GFOD1: variants seen among roughly 807,000 people sequenced by gnomAD.
The protein encoded by GFOD1 is glucose-fructose oxidoreductase domain-containing protein 1.
In GFOD1, 9 loss-of-function variants were observed where a neutral mutation model predicts 25.4. The ratio of observed to expected loss-of-function variants is 0.35; its 90% CI spans 0.21 to 0.62. The LOEUF (loss-of-function observed/expected upper bound fraction) is 0.62, where lower values mean the gene tolerates loss of function less well. GFOD1 is among the 20% of genes least tolerant of loss of function. The pLI, the probability that GFOD1 is intolerant of heterozygous loss-of-function variation, is 0.72. For synonymous variants in GFOD1, 253 were observed against 245.6 expected (o/e 1.03, Z -0.28); for missense variants, 403 against 556.9 (o/e 0.72, Z 2.78).
intron 1 of GFOD1, among the ~76,000 whole-genome samples, chr6:13,477,283 C>T (rs1344461479): frequency 6.7e-6 from 1 of 149,894 alleles, no homozygotes; most frequent in African/African-American, 2.5e-5. Context: ...AAGGAATTGG[C>T]TCGCACAATT....
chr6:13,435,974 T>C (rs1757826503), intron 1 of GFOD1, among the ~76,000 whole-genome samples: 1 of 152,188 alleles, frequency 6.6e-6, no homozygotes. Context: ...GTAGAATATC[T>C]GGAAGGATTT....
At chr6:13,477,228 T>TGTGTGTGC (rs761205114) in intron 1 of GFOD1, among the ~76,000 whole-genome samples, 1,833 of 148,716 alleles carry the variant, frequency 0.012, 22 homozygotes, top group Middle Eastern at 0.032. Flanking sequence ...TGTGTGTGTG[T>TGTGTGTGC]GTGTGTGTGT....
chr6:13,393,094 G>A, intron 1 of GFOD1, among the ~76,000 whole-genome samples: 1 of 151,866 alleles, frequency 6.6e-6, no homozygotes, highest in East Asian at 1.9e-4. Flanking sequence ...GGTGGCTCAT[G>A]TCTGTAATCC....
In GFOD1 at chr6:13,483,797, G is replaced by A. The variant is rs140134513; in HGVS notation, c.253+2841C>T. On this transcript the variant is annotated intron_variant, in intron 1 of 1. Transcript: ENST00000379287. ...ATGACTCCGGGGGAGGTAGAGTGCTGGGTTCAAATCTCTAGCTGTAGGTCT... is the reference window on the plus strand; with the variant it reads ...ATGACTCCGGGGGAGGTAGAGTGCTAGGTTCAAATCTCTAGCTGTAGGTCT... 2.6e-5 allele frequency among the ~76,000 whole-genome samples: 4 copies of A among 152,268 alleles called. No individual in the cohort carries two copies. In the East Asian group the frequency reaches 7.7e-4, roughly 29 times the overall value.
chr6:13,454,552 A>C (rs1562224033), intron 1 of GFOD1, among the ~76,000 whole-genome samples: 1 of 152,212 alleles, frequency 6.6e-6, no homozygotes, highest in African/African-American at 2.4e-5. Flanking sequence ...TCTTAAAAAA[A>C]GAAAAAAGGA....
intron 1 of GFOD1, among the ~76,000 whole-genome samples, chr6:13,417,729 C>T (rs1229679800): frequency 1.3e-5 from 2 of 152,178 alleles, no homozygotes; most frequent in East Asian, 3.9e-4. Flanking sequence ...AATGGCTTCT[C>T]GTAAGTGCAG....
intron 1 of GFOD1, among the ~76,000 whole-genome samples, chr6:13,435,288 C>G (rs965390936): frequency 6.6e-6 from 1 of 152,186 alleles, no homozygotes; most frequent in Admixed American, 6.5e-5. Flanking sequence ...GCATCCTGAA[C>G]AAGTTACCTT....
chr6:13,415,516 G>A (rs1271378664), intron 1 of GFOD1, among the ~76,000 whole-genome samples: 1 of 152,150 alleles, frequency 6.6e-6, no homozygotes, highest in Non-Finnish European at 1.5e-5. Context: ...TCCAGACCTG[G>A]GGGTGGCTGC....
chr6:13,451,442 G>A (rs1466816636), intron 1 of GFOD1, among the ~76,000 whole-genome samples: 2 of 152,182 alleles, frequency 1.3e-5, no homozygotes, highest in Non-Finnish European at 2.9e-5. Context: ...CAGTCATGAT[G>A]TACGAGAGCT....
intron 1 of GFOD1, among the ~76,000 whole-genome samples, chr6:13,473,529 T>C (rs1200650996): frequency 1.3e-5 from 2 of 152,210 alleles, no homozygotes; most frequent in African/African-American, 2.4e-5. Flanking sequence ...CCATTTGAGA[T>C]ACGAAGGGAA....
chr6:13,391,360 C>A lies in GFOD1; in HGVS notation c.254-25698G>T, dbSNP rs192351314. Among the ~76,000 whole-genome samples, 463 of 151,886 alleles carry A rather than the reference C, an allele frequency of 3.0e-3. 3 individuals carry two copies. Among genetic ancestry groups the A allele is most frequent in the South Asian group, 6.5e-3 (31 of 4,784 alleles). ...TAAAAATATAAAAATTAGCTGGGCG[C>A]AGTGGTGGGCGCCTGTAATCCCAGC... On this transcript the variant is annotated intron_variant, in intron 1 of 1. Transcript: ENST00000379287.
chr6:13,471,535 A>C (rs1758505790), intron 1 of GFOD1, among the ~76,000 whole-genome samples: 1 of 152,212 alleles, frequency 6.6e-6, no homozygotes, highest in Non-Finnish European at 1.5e-5. Flanking sequence ...TAAAGAATTT[A>C]GGAAACTTCC....
chr6:13,447,810 A>C (rs1029277144), intron 1 of GFOD1, among the ~76,000 whole-genome samples: 1 of 149,980 alleles, frequency 6.7e-6, no homozygotes, highest in Admixed American at 6.7e-5. Flanking sequence ...GGGAAAAGGC[A>C]TCAATCAAAA....
At chr6:13,480,988 T>A (rs570648868) in intron 1 of GFOD1, among the ~76,000 whole-genome samples, 3 of 152,318 alleles carry the variant, frequency 2.0e-5, no homozygotes, top group South Asian at 2.1e-4. Context: ...TCATAGTGTG[T>A]CTACTAGGTG....
Position 13,472,549 on chromosome 6 carries a change from G to A in GFOD1, c.253+14089C>T, listed in dbSNP as rs190291688. ...CCCCATTATACAGATAAAGAAACTGGGGCTTCAAAGAGTTAAGTGAGGAGC... is the reference window on the plus strand; with the variant it reads ...CCCCATTATACAGATAAAGAAACTGAGGCTTCAAAGAGTTAAGTGAGGAGC... On this transcript the variant is annotated intron_variant, in intron 1 of 1. Transcript: ENST00000379287. Among the ~76,000 whole-genome samples, 4 of 152,220 alleles carry A rather than the reference G, an allele frequency of 2.6e-5. No individual in the cohort carries two copies. The East Asian group carries it at 7.7e-4, about 29-fold the overall frequency.
chr6:13,429,424 T>G (rs1228657678), intron 1 of GFOD1, among the ~76,000 whole-genome samples: 1 of 152,242 alleles, frequency 6.6e-6, no homozygotes, highest in Admixed American at 6.5e-5. Context: ...ATTGAATGCC[T>G]ATCGAATGCA....
At position 13,430,838 on chromosome 6, in the gene GFOD1, C is replaced by T. The variant is rs1757737067; in HGVS notation, c.253+55800G>A. 6.6e-6 allele frequency among the ~76,000 whole-genome samples: 1 copy of T among 152,218 alleles called. No homozygotes were observed. Among genetic ancestry groups the T allele is most frequent in the Non-Finnish European group, 1.5e-5 (1 of 68,038 alleles). On this transcript the variant is annotated intron_variant, in intron 1 of 1. Coordinates refer to ENST00000379287, the MANE Select transcript of GFOD1 (RefSeq NM_018988.4). The surrounding 1 kb of genome is among the most constrained non-coding windows in gnomAD (Gnocchi z 4.1). ...CTCCTCACCCTCTCTTTCTCCAGGA[C>T]TCCCTCCCATCAGGATACCTACCTG...
chr6:13,431,546 A>G (rs1757750462), intron 1 of GFOD1, among the ~76,000 whole-genome samples: 1 of 152,068 alleles, frequency 6.6e-6, no homozygotes, highest in Admixed American at 6.6e-5. Context: ...ATAATTCCAC[A>G]CTCACCAATA....
intron 1 of GFOD1, among the ~76,000 whole-genome samples, chr6:13,455,072 A>G (rs1388164941): frequency 6.6e-6 from 1 of 152,016 alleles, no homozygotes; most frequent in African/African-American, 2.4e-5. Context: ...GCTGATCTAA[A>G]TCTCTCTGCA....
Sources: gnomAD v4.1 joint callset for allele counts (sites outside exome capture counted in the v4.1 genomes callset) on GRCh38, gnomAD v4.1.1 for gene constraint, Gnocchi (gnomAD v3.1) non-coding constraint, MANE v1.5 for transcripts, NCBI Gene and HGNC (gene_info 2026-07-23, HGNC 2026-07-21) for gene names.